ADK: variants seen among roughly 807,000 people sequenced by gnomAD.
ADK encodes the protein adenosine kinase.
Under a neutral mutation model 44.7 loss-of-function variants are expected in ADK, and 24 were observed. That is an observed-to-expected ratio of 0.54 (90% CI 0.39 to 0.76). The LOEUF (loss-of-function observed/expected upper bound fraction) is 0.76, where lower values mean the gene tolerates loss of function less well. Ranked by LOEUF, ADK falls within the 30% of genes least tolerant of loss-of-function variation. The pLI is 0.00. For missense variants in ADK, 321 were observed against 425.1 expected (o/e 0.76, Z 2.15); for synonymous variants, 128 against 142.6 (o/e 0.90, Z 0.73).
chr10:74,335,266 AT>A, intron 4 of ADK, among the ~76,000 whole-genome samples: 2 of 151,966 alleles, frequency 1.3e-5, no homozygotes, highest in East Asian at 3.9e-4. Flanking sequence ...TTATTTATTT[AT>A]TTTTTTGGCT....
At chr10:74,318,620 G>A (rs981158886) in intron 4 of ADK, among the ~76,000 whole-genome samples, 1 of 152,144 alleles carries the variant, frequency 6.6e-6, no homozygotes. Flanking sequence ...AAATTCAGGT[G>A]TTTTAAAACC....
intron 7 of ADK, among the ~76,000 whole-genome samples, chr10:74,553,337 A>T (rs1850111746): frequency 6.6e-6 from 1 of 151,220 alleles, no homozygotes; most frequent in Non-Finnish European, 1.5e-5. Flanking sequence ...AGTAGCTGGG[A>T]CTAGAGGCAC....
chr10:74,183,990 C>T (rs188574454), intron 1 of ADK, among the ~76,000 whole-genome samples: 21 of 152,208 alleles, frequency 1.4e-4, no homozygotes, highest in African/African-American at 4.6e-4. Context: ...AATCTCAGCT[C>T]ACCGCAACCT....
chr10:74,626,746 A>AT (rs1466242511), intron 9 of ADK, among the ~76,000 whole-genome samples: 1 of 152,210 alleles, frequency 6.6e-6, no homozygotes, highest in East Asian at 1.9e-4. Flanking sequence ...AAATTACCTT[A>AT]TTCCCTCCCA....
intron 4 of ADK, among the ~76,000 whole-genome samples, chr10:74,369,090 C>T (rs1334954836): frequency 6.6e-6 from 1 of 152,156 alleles, no homozygotes; most frequent in African/African-American, 2.4e-5. Flanking sequence ...CATGGTGGAG[C>T]ATGCCTGTAA....
At chr10:74,398,421 T>C in intron 5 of ADK, 50 bp from the exon 6 acceptor site, 3 of 1,272,356 alleles carry the variant, frequency 2.4e-6, no homozygotes, top group Non-Finnish European at 3.4e-6. Flanking sequence ...TATTGAAACA[T>C]ATGCTAAGTT....
intron 4 of ADK, among the ~76,000 whole-genome samples, chr10:74,317,954 G>C (rs1350385808): frequency 6.6e-6 from 1 of 151,886 alleles, no homozygotes; most frequent in African/African-American, 2.4e-5. Context: ...GCTAATTTTT[G>C]TATTTTTAGT....
chr10:74,670,096 A>T, intron 9 of ADK, 87 bp from the exon 10 acceptor site: 1 of 1,011,486 alleles, frequency 9.9e-7, no homozygotes, highest in Admixed American at 1.8e-5. Context: ...ATGATGAGTG[A>T]TGAAGGAGCT....
Position 74,406,984 on chromosome 10 carries a change from CT to C in ADK, c.555+8421del, listed in dbSNP as rs750726079. ...GTGGGCCACTGTGCCTGGCCTCTTTCTTTTTTTTTTTTTTTTCAGACAAGTT... is the reference window on the plus strand; with the variant it reads ...GTGGGCCACTGTGCCTGGCCTCTTTCTTTTTTTTTTTTTTTCAGACAAGTT... On this transcript the variant is annotated intron_variant, in intron 6 of 10. Transcript: ENST00000539909. Among the ~76,000 whole-genome samples, 605 of 124,476 alleles carry C rather than the reference CT, an allele frequency of 4.9e-3. 2 individuals are homozygous for C. The highest frequency in any genetic ancestry group is 0.016 in the East Asian group (69 of 4,226). 81.7% of individuals were successfully genotyped at this position (124,476 alleles called of 152,430 possible). A position where few individuals can be genotyped will look rare whatever the true frequency, so the allele number is the denominator to read the frequency against.
At chr10:74,287,771 G>T (rs1847236643) in intron 3 of ADK, among the ~76,000 whole-genome samples, 1 of 151,776 alleles carries the variant, frequency 6.6e-6, no homozygotes, top group East Asian at 1.9e-4. Flanking sequence ...GGGTGAGGTG[G>T]GAGAGCTCAG....
At chr10:74,673,198 T>C (rs2134205878) in intron 10 of ADK, among the ~76,000 whole-genome samples, 1 of 152,354 alleles carries the variant, frequency 6.6e-6, no homozygotes. Flanking sequence ...ATCCAAGAAC[T>C]GTAGTCCCTG....
At chr10:74,268,414 T>C (rs896246566) in intron 3 of ADK, among the ~76,000 whole-genome samples, 1 of 152,182 alleles carries the variant, frequency 6.6e-6, no homozygotes, top group African/African-American at 2.4e-5. Flanking sequence ...CTAGAATTTG[T>C]TTTTACTTTA....
At chr10:74,570,695 C>T (rs1318212463) in intron 7 of ADK, among the ~76,000 whole-genome samples, 1 of 152,162 alleles carries the variant, frequency 6.6e-6, no homozygotes, top group Non-Finnish European at 1.5e-5. Flanking sequence ...TGGGCTGAGA[C>T]GATGGGGTTT....
intron 7 of ADK, among the ~76,000 whole-genome samples, chr10:74,554,508 G>A (rs1332467864): frequency 6.6e-6 from 1 of 152,026 alleles, no homozygotes; most frequent in Non-Finnish European, 1.5e-5. Flanking sequence ...AAATTAGAAA[G>A]GTATTACAAT....
chr10:74,165,152 A>C (rs975985215), intron 1 of ADK, among the ~76,000 whole-genome samples: 1 of 152,160 alleles, frequency 6.6e-6, no homozygotes, highest in Admixed American at 6.6e-5. Flanking sequence ...TGGGGTGTGA[A>C]AGCAGCAGAT....
rs560297741 is a variant in ADK, at chr10:74,444,554, A to C, written c.555+45975A>C. Among the ~76,000 whole-genome samples the C allele has an allele frequency of 3.3e-5, 5 of 152,216 alleles. 1 individual carries two copies. Among genetic ancestry groups the C allele is most frequent in the African/African-American group, 1.2e-4 (5 of 41,568 alleles). On this transcript the variant is annotated intron_variant, in intron 6 of 10. Transcript: ENST00000539909. The stretch of plus-strand genomic sequence containing the variant: ...TGTTTATTTAAATAAGTAAACATGG[A>C]TAGACACTATTTTGTAGCAAGGGGT...
chr10:74,157,491 T>A (rs1841781101), intron 1 of ADK, among the ~76,000 whole-genome samples: 1 of 149,948 alleles, frequency 6.7e-6, no homozygotes, highest in Non-Finnish European at 1.5e-5. Flanking sequence ...AAAAAAAAAA[T>A]AGGTCAGTTG....
intron 4 of ADK, among the ~76,000 whole-genome samples, chr10:74,378,833 G>A (rs1489505826): frequency 6.6e-6 from 1 of 152,050 alleles, no homozygotes; most frequent in African/African-American, 2.4e-5. Context: ...GGGTGTGGTG[G>A]TGTGCTTCTG....
At chr10:74,220,591 C>T (rs1844266147) in intron 2 of ADK, among the ~76,000 whole-genome samples, 1 of 152,160 alleles carries the variant, frequency 6.6e-6, no homozygotes, top group Non-Finnish European at 1.5e-5. Flanking sequence ...AGACCAATAC[C>T]CTTGATGAAC....
Sources: allele counts gnomAD v4.1 joint callset (sites outside exome capture counted in the v4.1 genomes callset), GRCh38; gene constraint gnomAD v4.1.1; transcripts MANE v1.5; gene names NCBI Gene and HGNC (gene_info 2026-07-23, HGNC 2026-07-21).